The following TUSC3 variants were observed in gnomAD, a reference collection of about 807,000 sequenced individuals.
TUSC3 encodes the protein dolichyl-diphosphooligosaccharide--protein glycosyltransferase subunit TUSC3.
In TUSC3, 45 loss-of-function variants were observed where a neutral mutation model predicts 44.8. The observed-to-expected ratio is 1.00, with a 90% CI of 0.79 to 1.29. The LOEUF is 1.29. TUSC3 is among the 50% of genes most tolerant of loss of function. The pLI, the probability that TUSC3 is intolerant of heterozygous loss-of-function variation, is 0.00. For missense variants in TUSC3, 519 were observed against 437.9 expected (o/e 1.19, Z -1.65); for synonymous variants, 212 against 152.9 (o/e 1.39, Z -2.85).
the TUSC3 span, among the ~76,000 whole-genome samples, chr8:15,808,551 A>G: frequency 6.6e-6 from 1 of 152,140 alleles, no homozygotes; most frequent in African/African-American, 2.4e-5. Context: ...TTATTCTCTT[A>G]CCGAACATCT....
rs199935672 is a variant in TUSC3 at position 15,739,917 on chromosome 8, C to A, written c.863-3621C>A. Among the ~76,000 whole-genome samples, 3 of 151,560 alleles carry A rather than the reference C, an allele frequency of 2.0e-5. No homozygotes were observed. The East Asian group carries it at 5.9e-4, about 30-fold the overall frequency. On this transcript the variant is annotated intron_variant, in intron 7 of 10. Coordinates refer to ENST00000503731, the MANE Select transcript of TUSC3 (RefSeq NM_006765.4). ...TTAAACTTCTCTGGGCTTCAGTTTC[C>A]TTGTTTGTAAACAGATGGTAATGTC...
chr8:15,835,368 T>C, the TUSC3 span, among the ~76,000 whole-genome samples: 1 of 144,952 alleles, frequency 6.9e-6, no homozygotes, highest in African/African-American at 2.8e-5. Context: ...TTCAACTGTT[T>C]TGCTGATTTT....
chr8:15,808,227 C>T, the TUSC3 span, among the ~76,000 whole-genome samples: 2 of 151,990 alleles, frequency 1.3e-5, no homozygotes, highest in African/African-American at 4.8e-5. Context: ...TAATGTGTTC[C>T]TTAAGAAACT....
At chr8:15,635,596 G>A (rs1806029627) in intron 2 of TUSC3, among the ~76,000 whole-genome samples, 1 of 152,158 alleles carries the variant, frequency 6.6e-6, no homozygotes, top group Admixed American at 6.5e-5. Context: ...CTAACACACT[G>A]TACTCTCACA....
chr8:15,569,456 A>G (rs573622536), intron 1 of TUSC3, among the ~76,000 whole-genome samples: 25 of 152,156 alleles, frequency 1.6e-4, no homozygotes, highest in Admixed American at 2.0e-4. Flanking sequence ...CACAAAGTTT[A>G]TTTAACTTGC....
chr8:15,648,466 C>G (rs1040352804), intron 2 of TUSC3, among the ~76,000 whole-genome samples: 1 of 150,980 alleles, frequency 6.6e-6, no homozygotes, highest in African/African-American at 2.4e-5. Flanking sequence ...GTGGCTCACG[C>G]CTGTAATCCC....
chr8:15,485,471 T>TG (rs999860578), intron 2 of TUSC3, among the ~76,000 whole-genome samples: 1 of 108,664 alleles, frequency 9.2e-6, no homozygotes, highest in Non-Finnish European at 2.2e-5. Context: ...TGTCTTTTTT[T>TG]TTTTGTTTTT....
At chr8:15,535,938 G>C (rs1410298618), upstream of TUSC3, among the ~76,000 whole-genome samples, 1 of 152,166 alleles carries the variant, frequency 6.6e-6, no homozygotes, top group Non-Finnish European at 1.5e-5. Context: ...ACCCAGGACG[G>C]CCTTGAATGC....
chr8:15,841,282 T>C, the TUSC3 span, among the ~76,000 whole-genome samples: 1 of 152,140 alleles, frequency 6.6e-6, no homozygotes, highest in Non-Finnish European at 1.5e-5. Context: ...AGGAATTGGA[T>C]TATATATTTT....
chr8:15,745,397 G>T (rs1355614472), intron 8 of TUSC3, among the ~76,000 whole-genome samples: 1 of 152,048 alleles, frequency 6.6e-6, no homozygotes, highest in Admixed American at 6.6e-5. Context: ...GTTTTCCACA[G>T]TAGCTGCTCT....
chr8:15,752,881 CTTCAA>C (rs1811765358), intron 9 of TUSC3, among the ~76,000 whole-genome samples: 1 of 151,926 alleles, frequency 6.6e-6, no homozygotes, highest in African/African-American at 2.4e-5. Context: ...ACTTTGGCCT[CTTCAA>C]TTCTTGTGAG....
intron 10 of TUSC3, among the ~76,000 whole-genome samples, chr8:15,761,146 G>A (rs991195525): frequency 1.3e-5 from 2 of 152,118 alleles, no homozygotes; most frequent in Admixed American, 1.3e-4. Flanking sequence ...TAACACTTGC[G>A]TGTTTCTCTA....
intron 1 of TUSC3, among the ~76,000 whole-genome samples, chr8:15,476,892 A>G (rs1800583303): frequency 6.6e-6 from 1 of 152,222 alleles, no homozygotes; most frequent in African/African-American, 2.4e-5. Flanking sequence ...GAAGTTACAA[A>G]GGTTACACCC....
At chr8:15,712,173 AATAAG>A (rs1214155747) in intron 6 of TUSC3, among the ~76,000 whole-genome samples, 2 of 152,018 alleles carry the variant, frequency 1.3e-5, no homozygotes, top group African/African-American at 2.4e-5. Flanking sequence ...TTATTTGAAA[AATAAG>A]ATTAGAGGCT....
At chr8:15,493,032 C>G (rs1800830980) in intron 2 of TUSC3, among the ~76,000 whole-genome samples, 1 of 152,046 alleles carries the variant, frequency 6.6e-6, no homozygotes, top group Non-Finnish European at 1.5e-5. Flanking sequence ...GTGGCTACCA[C>G]TTATTAAACC....
intron 1 of TUSC3, among the ~76,000 whole-genome samples, chr8:15,614,921 G>A (rs1991531): frequency 0.82 from 119,889 of 145,388 alleles, 49,629 homozygotes; most frequent in Non-Finnish European, 0.87. Context: ...TATTCAGGCT[G>A]TTATTAAAAA....
At chr8:15,741,824 G>C (rs1247248361) in intron 7 of TUSC3, among the ~76,000 whole-genome samples, 1 of 152,108 alleles carries the variant, frequency 6.6e-6, no homozygotes, top group Non-Finnish European at 1.5e-5. Context: ...CAGAAAAAAT[G>C]ATTAAAGGGG....
chr8:15,573,202 C>CTCTCTATATATATATA (rs1435847916), intron 1 of TUSC3, among the ~76,000 whole-genome samples: 2 of 74,194 alleles, frequency 2.7e-5, no homozygotes, highest in South Asian at 6.8e-4. Context: ...CTCTCTCTCT[C>CTCTCTATATATATATA]TATATATATA....
At chr8:15,791,076 G>A in the TUSC3 span, among the ~76,000 whole-genome samples, 3 of 152,118 alleles carry the variant, frequency 2.0e-5, no homozygotes, top group Admixed American at 6.6e-5. Context: ...TGGAAATGGG[G>A]ATGGAGAGAA....
Sources: allele counts gnomAD v4.1 joint callset (sites outside exome capture counted in the v4.1 genomes callset), GRCh38; gene constraint gnomAD v4.1.1; transcripts MANE v1.5; gene names NCBI Gene and HGNC (gene_info 2026-07-23, HGNC 2026-07-21).